Variants in CEP112 observed in about 807,000 individuals in gnomAD.
CEP112 encodes the protein centrosomal protein 112.
Under a neutral mutation model 153.0 loss-of-function variants are expected in CEP112, and 127 were observed. The ratio of observed to expected loss-of-function variants is 0.83; its 90% CI spans 0.72 to 0.96. The LOEUF (loss-of-function observed/expected upper bound fraction) is 0.96, where lower values mean the gene tolerates loss of function less well. Ranked by LOEUF, CEP112 falls within the 40% of genes least tolerant of loss-of-function variation. The pLI is 0.00. For synonymous variants in CEP112, 358 were observed against 374.4 expected, an observed-to-expected ratio of 0.96 and a Z score of 0.51; for missense variants, 1,089 against 1,101.2, an observed-to-expected ratio of 0.99 and a Z score of 0.16.
Position 66,183,286 on chromosome 17 carries a change from C to A in CEP112, c.14G>T (p.Ser5Ile). Residue 5 changes from serine (S) to isoleucine (I), a missense_variant, in exon 2 of 27, where the codon AGT becomes ATT. Physicochemically the swap from Ser to Ile is moderately radical, Grantham distance 142. Coordinates refer to ENST00000535342, the MANE Select transcript of CEP112 (RefSeq NM_001199165.4). MEVG[S>I]EEEKWEKLDA... is the part of the protein sequence containing the mutation. ...CAGCTTCTCCCATTTTTCTTCTTCA[C>A]TTCCCACTTCCATAATCCAATCTGT... The A allele has an allele frequency of 6.2e-7, 1 of 1,610,598 alleles. No homozygotes were observed. Among genetic ancestry groups the A allele is most frequent in the Non-Finnish European group, 8.5e-7 (1 of 1,177,810 alleles).
intron 20 of CEP112, among the ~76,000 whole-genome samples, chr17:65,854,231 G>C (rs1313527429): frequency 4.6e-5 from 7 of 152,084 alleles, no homozygotes; most frequent in African/African-American, 1.7e-4. Context: ...ATGATGCTGG[G>C]AATAAGAATA....
intron 19 of CEP112, among the ~76,000 whole-genome samples, chr17:65,905,843 G>T (rs1335702524): frequency 6.6e-6 from 1 of 152,102 alleles, no homozygotes; most frequent in East Asian, 1.9e-4. Context: ...TACTTGGGAG[G>T]CTGACGCGGG....
intron 17 of CEP112, among the ~76,000 whole-genome samples, chr17:65,962,002 G>T (rs190050528): frequency 2.3e-3 from 355 of 152,320 alleles, no homozygotes; most frequent in African/African-American, 8.4e-3. Context: ...AAAGAAGCCA[G>T]TCACAAAAAG....
intron 20 of CEP112, among the ~76,000 whole-genome samples, chr17:65,892,149 T>A (rs1274208260): frequency 6.6e-6 from 1 of 152,184 alleles, no homozygotes; most frequent in African/African-American, 2.4e-5. Context: ...TGGGGCAACA[T>A]TCACATAAAT....
At chr17:65,721,308 G>T (rs777907824) in intron 23 of CEP112, among the ~76,000 whole-genome samples, 1 of 151,964 alleles carries the variant, frequency 6.6e-6, no homozygotes, top group Non-Finnish European at 1.5e-5. Context: ...CCGCGCCCAG[G>T]CTTTAAGTTC....
chr17:65,825,668 T>TA (rs927003415), intron 21 of CEP112, among the ~76,000 whole-genome samples: 1 of 151,702 alleles, frequency 6.6e-6, no homozygotes, highest in Non-Finnish European at 1.5e-5. Flanking sequence ...AACTGTACAG[T>TA]AAAAAAATAG....
At chr17:65,877,025 G>A (rs971087191) in intron 20 of CEP112, among the ~76,000 whole-genome samples, 8 of 151,972 alleles carry the variant, frequency 5.3e-5, no homozygotes, top group Non-Finnish European at 1.0e-4. Flanking sequence ...GATAATCTGC[G>A]ATTATCTGTT....
intron 6 of CEP112, among the ~76,000 whole-genome samples, chr17:66,102,150 TTTC>T (rs1308298829): frequency 6.6e-6 from 1 of 152,144 alleles, no homozygotes; most frequent in Admixed American, 6.6e-5. Flanking sequence ...AAAGAAATAA[TTTC>T]TTGTGTCACA....
At chr17:66,005,591 G>C (rs981327740) in intron 17 of CEP112, 99 bp downstream of exon 17, 8 of 1,373,132 alleles carry the variant, frequency 5.8e-6, no homozygotes, top group Non-Finnish European at 7.7e-6. Context: ...CCATAGCAAA[G>C]CTCTTATAAA....
At chr17:65,697,562 C>T (rs1003626672) in intron 23 of CEP112, among the ~76,000 whole-genome samples, 3 of 151,626 alleles carry the variant, frequency 2.0e-5, no homozygotes, top group Admixed American at 1.3e-4. Context: ...ATATTGTAAA[C>T]GACTAGGACA....
intron 18 of CEP112, among the ~76,000 whole-genome samples, chr17:65,933,446 C>T (rs1237667555): frequency 1.3e-5 from 2 of 152,094 alleles, no homozygotes; most frequent in African/African-American, 2.4e-5. Context: ...ACAGAAGATA[C>T]ATATCACATA....
chr17:65,900,551 T>G (rs1256962190), intron 20 of CEP112, among the ~76,000 whole-genome samples: 1 of 152,142 alleles, frequency 6.6e-6, no homozygotes, highest in African/African-American at 2.4e-5. Context: ...TGGCCTCCAC[T>G]TGTATCGGCT....
chr17:66,079,689 C>T (rs2067642965), intron 8 of CEP112, among the ~76,000 whole-genome samples: 1 of 151,958 alleles, frequency 6.6e-6, no homozygotes, highest in Non-Finnish European at 1.5e-5. Flanking sequence ...AAAGAAGAGC[C>T]CATACAGCCA....
At chr17:65,650,719 A>C (rs532644085) in intron 24 of CEP112, among the ~76,000 whole-genome samples, 83 of 138,350 alleles carry the variant, frequency 6.0e-4, no homozygotes, top group African/African-American at 2.1e-3. Flanking sequence ...AACATGGTGA[A>C]AACTCTCTAC....
intron 6 of CEP112, among the ~76,000 whole-genome samples, chr17:66,107,333 G>A (rs1265933523): frequency 2.0e-5 from 3 of 151,912 alleles, no homozygotes; most frequent in Non-Finnish European, 4.4e-5. Flanking sequence ...CATGCAAATT[G>A]GAAAGGAAGA....
At chr17:66,077,397 G>T (rs139866838) in intron 8 of CEP112, among the ~76,000 whole-genome samples, 365 of 152,292 alleles carry the variant, frequency 2.4e-3, no homozygotes, top group African/African-American at 8.2e-3. Context: ...CACACTTAGA[G>T]AAATGCAAAA....
At chr17:65,675,798 C>A (rs1290502416) in intron 24 of CEP112, among the ~76,000 whole-genome samples, 1 of 151,580 alleles carries the variant, frequency 6.6e-6, no homozygotes, top group South Asian at 2.1e-4. Flanking sequence ...ATATCAATAA[C>A]ATTAGAAAAT....
intron 16 of CEP112, among the ~76,000 whole-genome samples, chr17:66,008,164 T>A (rs2064354024): frequency 6.6e-6 from 1 of 152,168 alleles, no homozygotes; most frequent in Non-Finnish European, 1.5e-5. Context: ...TATATACATA[T>A]GTGTGAAGTT....
chr17:66,132,786 A>C, intron 4 of CEP112, 23 bp from the exon 5 acceptor site: 2 of 1,492,646 alleles, frequency 1.3e-6, no homozygotes, highest in Non-Finnish European at 1.9e-6. Context: ...AATAATCGCA[A>C]TCACAATTTG....
Sources: gnomAD v4.1 joint callset for allele counts (sites outside exome capture counted in the v4.1 genomes callset) on GRCh38, gnomAD v4.1.1 for gene constraint, MANE v1.5 for transcripts, NCBI Gene and HGNC (gene_info 2026-07-23, HGNC 2026-07-21) for gene names.